KLHL13: variants seen among roughly 807,000 people sequenced by gnomAD.
KLHL13 encodes the protein kelch-like protein 13.
In KLHL13, 10 loss-of-function variants were observed where a neutral mutation model predicts 37.1. The observed-to-expected ratio is 0.27, with a 90% CI of 0.17 to 0.46. KLHL13 has a LOEUF of 0.46. KLHL13 is among the 20% of genes least tolerant of loss of function. KLHL13 has a pLI of 1.00. For synonymous variants in KLHL13, 163 were observed against 181.2 expected (o/e 0.90, Z 0.81); for missense variants, 360 against 509.3 (o/e 0.71, Z 2.82).
At chrX:117,953,032 T>C in intron 1 of KLHL13, among the ~76,000 whole-genome samples, 1 of 111,326 alleles carries the variant, frequency 9.0e-6, no homozygotes. Flanking sequence ...AAATACCATT[T>C]GACCCAGCCA....
intron 1 of KLHL13, among the ~76,000 whole-genome samples, chrX:118,080,293 A>G: frequency 8.9e-6 from 1 of 111,894 alleles, no homozygotes; most frequent in Non-Finnish European, 1.9e-5. Flanking sequence ...TAAACTAAAG[A>G]GCTTCTGCAC....
At chrX:117,918,818 A>C (rs749987869) in intron 4 of KLHL13, among the ~76,000 whole-genome samples, 1 of 111,897 alleles carries the variant, frequency 8.9e-6, no homozygotes, top group African/African-American at 3.2e-5. Context: ...AGTTCTTCTT[A>C]AGATCTAGCT....
At chrX:118,071,326 C>T (rs1292392041) in intron 1 of KLHL13, among the ~76,000 whole-genome samples, 7 of 111,306 alleles carry the variant, frequency 6.3e-5, no homozygotes, top group East Asian at 2.8e-4. Context: ...CCTGAGGAAT[C>T]GCCACACTGA....
chrX:118,094,283 G>A (rs907111746), intron 1 of KLHL13, among the ~76,000 whole-genome samples: 1 of 110,859 alleles, frequency 9.0e-6, no homozygotes, highest in Admixed American at 9.7e-5. Context: ...TGGAAGAAAG[G>A]GTATCAGCGA....
intron 1 of KLHL13, among the ~76,000 whole-genome samples, chrX:118,001,724 G>T (rs184414271): frequency 9.1e-6 from 1 of 110,331 alleles, no homozygotes; most frequent in African/African-American, 3.3e-5. Context: ...AATTAGCTGG[G>T]CATGGTGGCA....
At chrX:118,040,369 G>A (rs1405658865) in intron 1 of KLHL13, among the ~76,000 whole-genome samples, 9 of 110,978 alleles carry the variant, frequency 8.1e-5, no homozygotes, top group African/African-American at 2.0e-4. Flanking sequence ...AAGATAACAC[G>A]GAGAAAGAAT....
At chrX:117,962,047 T>C (rs930449089) in intron 1 of KLHL13, among the ~76,000 whole-genome samples, 2 of 105,496 alleles carry the variant, frequency 1.9e-5, no homozygotes, top group Admixed American at 2.1e-4. Context: ...CTACAAATAA[T>C]AATAATAATA....
chrX:118,029,602 T>C (rs913449881), intron 1 of KLHL13, among the ~76,000 whole-genome samples: 1 of 112,391 alleles, frequency 8.9e-6, no homozygotes, highest in East Asian at 2.8e-4. Flanking sequence ...TTTACTTAAA[T>C]ATCTCTTGTT....
intron 1 of KLHL13, among the ~76,000 whole-genome samples, chrX:118,074,018 C>G (rs2054902153): frequency 8.9e-6 from 1 of 112,297 alleles, no homozygotes; most frequent in East Asian, 2.8e-4. Flanking sequence ...GAAAAAATGT[C>G]TGTCCTTTCT....
In KLHL13 at chrX:117,973,409, T is replaced by C. The variant is rs931157536; in HGVS notation, c.-581A>G. ...CAGCATAGCCTTAGGCTACCGCTAA[T>C]AGAGATCAGTGACTAAATTCAGCAG... On this transcript the variant is annotated 5_prime_UTR_variant, in exon 1 of 7. Transcript: ENST00000262820. The C allele has an allele frequency of 2.3e-5, 22 of 966,165 alleles. No homozygotes were observed. The African/African-American group carries it at 3.6e-4, about 16-fold the overall frequency. 79.6% of individuals were successfully genotyped at this position (966,165 alleles called of 1,213,427 possible).
At chrX:118,091,103 G>A (rs1239135446) in intron 1 of KLHL13, among the ~76,000 whole-genome samples, 4 of 83,984 alleles carry the variant, frequency 4.8e-5, no homozygotes, top group Non-Finnish European at 8.8e-5. Context: ...ACAGGAAGGG[G>A]AACATCACAC....
At chrX:117,961,039 A>G (rs2053286347) in intron 1 of KLHL13, among the ~76,000 whole-genome samples, 1 of 112,186 alleles carries the variant, frequency 8.9e-6, no homozygotes, top group Admixed American at 9.5e-5. Flanking sequence ...AGCATCTTCA[A>G]TTTCACTCAT....
At chrX:118,089,465 C>G (rs1212716664) in intron 1 of KLHL13, among the ~76,000 whole-genome samples, 1 of 108,283 alleles carries the variant, frequency 9.2e-6, no homozygotes, top group Non-Finnish European at 1.9e-5. Context: ...TGTCTAGACC[C>G]ACCTGGCAGT....
At position 118,004,129 on chromosome X, in the gene KLHL13, A is replaced by G. The variant is rs765462512; in HGVS notation, c.-55-58554T>C. 8.0e-5 allele frequency among the ~76,000 whole-genome samples: 9 copies of G among 111,836 alleles called. No homozygotes were observed. In the South Asian group the frequency reaches 3.4e-3, roughly 42 times the overall value. ...AAGAGACATGTTTCTTAATGTTACC[A>G]ATTGAGAAGTGAAATCATGAAAAGG... On this transcript the variant is annotated intron_variant, in intron 1 of 6. Transcript: ENST00000371882.
At chrX:117,940,559 T>C (rs1422856104) in intron 2 of KLHL13, among the ~76,000 whole-genome samples, 1 of 112,144 alleles carries the variant, frequency 8.9e-6, no homozygotes, top group Non-Finnish European at 1.9e-5. Context: ...ACGATACTGA[T>C]TCTTCCTATC....
intron 1 of KLHL13, among the ~76,000 whole-genome samples, chrX:117,978,793 C>CTT (rs35977053): frequency 3.6e-5 from 3 of 83,645 alleles, no homozygotes; most frequent in Non-Finnish European, 7.1e-5. Context: ...TATGGCTTTT[C>CTT]TTTTTTTTTT....
At chrX:118,098,403 A>G (rs1252951038) in intron 1 of KLHL13, among the ~76,000 whole-genome samples, 1 of 111,290 alleles carries the variant, frequency 9.0e-6, no homozygotes, top group Non-Finnish European at 1.9e-5. Flanking sequence ...TAGAATGGCA[A>G]TCATTAAAAA....
chrX:117,899,263 T>A, exon 7 of KLHL13: 1 of 1,211,229 alleles, frequency 8.3e-7, no homozygotes, highest in Non-Finnish European at 1.1e-6. Flanking sequence ...ACCAATGACA[T>A]AGAGCCTTTC....
intron 1 of KLHL13, among the ~76,000 whole-genome samples, chrX:118,044,186 G>A (rs2054533156): frequency 9.0e-6 from 1 of 110,954 alleles, no homozygotes; most frequent in African/African-American, 3.3e-5. Context: ...AGATGTTAAA[G>A]ACCTCTACAA....
Sources: allele counts gnomAD v4.1 joint callset (sites outside exome capture counted in the v4.1 genomes callset), GRCh38; gene constraint gnomAD v4.1.1; transcripts MANE v1.5; gene names NCBI Gene and HGNC (gene_info 2026-07-23, HGNC 2026-07-21).